TNR: variants seen among roughly 807,000 people sequenced by gnomAD.
TNR encodes tenascin R, also known as tenascin-R.
A neutral mutation model predicts 150.4 loss-of-function variants in TNR; 45 were observed. That is an observed-to-expected ratio of 0.30 (90% CI 0.24 to 0.38). The LOEUF is 0.38. TNR is among the 10% of genes least tolerant of loss of function. The pLI is 1.00. For missense variants in TNR, 1,544 were observed against 1,759.1 expected, an observed-to-expected ratio of 0.88 and a Z score of 2.19; for synonymous variants, 687 against 678.4, an observed-to-expected ratio of 1.01 and a Z score of -0.20.
intron 5 of TNR, among the ~76,000 whole-genome samples, chr1:175,395,499 AT>A (rs1255681901): frequency 6.6e-6 from 1 of 152,158 alleles, no homozygotes; most frequent in African/African-American, 2.4e-5. Context: ...TGTATCACTC[AT>A]ACCTCATCTC....
intron 4 of TNR, among the ~76,000 whole-genome samples, chr1:175,401,077 T>A (rs1464515128): frequency 2.6e-5 from 4 of 152,160 alleles, no homozygotes; most frequent in African/African-American, 9.7e-5. Context: ...AGCACAGAGG[T>A]ACCATGTCAG....
intron 11 of TNR, 136 bp downstream of exon 11, chr1:175,365,739 T>TA: frequency 7.6e-7 from 1 of 1,316,018 alleles, no homozygotes; most frequent in Non-Finnish European, 1.0e-6. Flanking sequence ...TATTAGTTTT[T>TA]ACTCTATCCT....
Position 175,396,692 on chromosome 1 carries a change from C to G in TNR, c.1092G>C (p.Leu364=). The G allele has an allele frequency of 1.2e-6, 2 of 1,614,236 alleles. No homozygotes were observed. Among genetic ancestry groups the G allele is most frequent in the East Asian group, 4.5e-5 (2 of 44,886 alleles). Residue 364 remains leucine (L), a synonymous_variant, in exon 5 of 23, where the codon CTG becomes CTC. Coordinates refer to ENST00000367674, the MANE Select transcript of TNR (RefSeq NM_003285.3). ...EYVISYQPTA[L]GGLQLQQRVP... is the part of the protein sequence containing the mutation. The stretch of plus-strand genomic sequence containing the variant: ...CCCGCTGCTGGAGCTGGAGGCCCCC[C>G]AGGGCCGTCGGCTGGTAAGAGATCA...
intron 1 of TNR, among the ~76,000 whole-genome samples, chr1:175,728,923 C>T (rs556287806): frequency 1.3e-5 from 2 of 152,280 alleles, no homozygotes; most frequent in East Asian, 3.9e-4. Context: ...TTGTTATTTA[C>T]CCAAGCTCCC....
intron 2 of TNR, among the ~76,000 whole-genome samples, chr1:175,417,460 A>T (rs1654549221): frequency 6.6e-6 from 1 of 152,206 alleles, no homozygotes; most frequent in Non-Finnish European, 1.5e-5. Context: ...AAGTTGATTA[A>T]CAGTGAAAAT....
chr1:175,504,297 C>T (rs1454316196), intron 2 of TNR, among the ~76,000 whole-genome samples: 4 of 152,068 alleles, frequency 2.6e-5, no homozygotes, highest in Non-Finnish European at 4.4e-5. Context: ...TCTCTGTATC[C>T]CTTACAATAC....
At chr1:175,673,888 C>T (rs1665777148) in intron 1 of TNR, among the ~76,000 whole-genome samples, 1 of 152,208 alleles carries the variant, frequency 6.6e-6, no homozygotes. Context: ...CTCAAAACAA[C>T]AAAAAACCAC....
At chr1:175,684,889 T>C (rs982833863) in intron 1 of TNR, among the ~76,000 whole-genome samples, 7 of 152,220 alleles carry the variant, frequency 4.6e-5, no homozygotes, top group African/African-American at 1.7e-4. Flanking sequence ...AGCCCCTTTA[T>C]TGATGTAACT....
At position 175,427,889 on chromosome 1, in the gene TNR, GCTTCCTTCCTTCCTTC is replaced by G. The variant is rs71129510; in HGVS notation, c.-63-21128_-63-21113del. 8.8e-3 allele frequency among the ~76,000 whole-genome samples: 984 copies of G among 111,534 alleles called. 13 individuals are homozygous for G. Among genetic ancestry groups the G allele is most frequent in the African/African-American group, 0.03 (912 of 30,198 alleles). The allele number at this position is 111,534 out of a possible 152,430, so 73.2% of individuals were successfully genotyped here. On this transcript the variant is annotated intron_variant, in intron 2 of 22. Coordinates refer to ENST00000367674, the MANE Select transcript of TNR (RefSeq NM_003285.3). ...TCCTTCCTTCTTCCCTCCCTTCTTC[GCTTCCTTCCTTCCTTC>G]CTTCCTTCCTTCCTTCCTTCCTTCC... is the stretch of plus-strand genomic sequence containing the variant.
chr1:175,738,109 C>T (rs190250827), intron 1 of TNR, among the ~76,000 whole-genome samples: 12 of 152,224 alleles, frequency 7.9e-5, no homozygotes, highest in Non-Finnish European at 1.5e-4. Flanking sequence ...TATCCTCCTC[C>T]GTTTGCCTCC....
intron 1 of TNR, among the ~76,000 whole-genome samples, chr1:175,601,085 C>A (rs1210384667): frequency 1.3e-5 from 2 of 152,180 alleles, no homozygotes; most frequent in African/African-American, 4.8e-5. Context: ...TATATGTGTG[C>A]CAAAATATGT....
chr1:175,605,839 C>G (rs1663387451), intron 1 of TNR, among the ~76,000 whole-genome samples: 1 of 152,174 alleles, frequency 6.6e-6, no homozygotes, highest in Admixed American at 6.5e-5. Flanking sequence ...TTTCTTTCCT[C>G]CCTGCCTGGT....
intron 2 of TNR, among the ~76,000 whole-genome samples, chr1:175,500,202 A>C (rs1658673308): frequency 6.6e-6 from 1 of 152,128 alleles, no homozygotes; most frequent in Admixed American, 6.6e-5. Flanking sequence ...TTTTTTAAGG[A>C]TAGTTTAGCT....
At chr1:175,701,825 A>T (rs1666705610) in intron 1 of TNR, among the ~76,000 whole-genome samples, 1 of 152,214 alleles carries the variant, frequency 6.6e-6, no homozygotes, top group Non-Finnish European at 1.5e-5. Flanking sequence ...AGACCTACTG[A>T]GTCACAATGT....
At chr1:175,615,488 G>A (rs911345721) in intron 1 of TNR, among the ~76,000 whole-genome samples, 2 of 152,214 alleles carry the variant, frequency 1.3e-5, no homozygotes, top group Admixed American at 1.3e-4. Context: ...TACACAGGCA[G>A]GGATCCAATG....
At chr1:175,699,760 A>G (rs1369696445) in intron 1 of TNR, among the ~76,000 whole-genome samples, 1 of 152,100 alleles carries the variant, frequency 6.6e-6, no homozygotes, top group Non-Finnish European at 1.5e-5. Flanking sequence ...CTTTAGCAAA[A>G]GGTTCAAGGG....
chr1:175,446,884 CAT>C (rs1187274603), intron 2 of TNR, among the ~76,000 whole-genome samples: 5 of 151,984 alleles, frequency 3.3e-5, no homozygotes, highest in African/African-American at 4.8e-5. Context: ...CATGTGTATG[CAT>C]ATGTGTATTC....
intron 1 of TNR, among the ~76,000 whole-genome samples, chr1:175,572,138 C>G (rs1254894707): frequency 6.6e-6 from 1 of 152,148 alleles, no homozygotes; most frequent in African/African-American, 2.4e-5. Flanking sequence ...ACTGACAGCA[C>G]TGATGTGCAC....
In TNR at chr1:175,406,129, T is replaced by A. The variant is rs898454416; in HGVS notation, c.499+87A>T. 8.6e-6 allele frequency: 13 copies of A among 1,506,798 alleles called. No homozygotes were observed. The Admixed American group carries it at 2.6e-4, about 30-fold the overall frequency. 93.3% of individuals were successfully genotyped at this position (1,506,798 alleles called of 1,614,324 possible). Reference sequence around the variant, plus strand: ...GCTGGGAGTGCGTTTTCGCTGGAAGTGCATTGGTCCTTCTTGTTCACTCTC... The same window carrying A: ...GCTGGGAGTGCGTTTTCGCTGGAAGAGCATTGGTCCTTCTTGTTCACTCTC... On this transcript the variant is annotated intron_variant, in intron 3 of 22. Transcript: ENST00000367674.
Sources: gnomAD v4.1 joint callset for allele counts (sites outside exome capture counted in the v4.1 genomes callset) on GRCh38, gnomAD v4.1.1 for gene constraint, MANE v1.5 for transcripts, NCBI Gene and HGNC (gene_info 2026-07-23, HGNC 2026-07-21) for gene names.